Variants in LTBP1 observed in about 807,000 individuals in gnomAD.
The protein encoded by LTBP1 is latent-transforming growth factor beta-binding protein 1.
Under a neutral mutation model 207.6 loss-of-function variants are expected in LTBP1, and 129 were observed. The observed-to-expected ratio is 0.62, with a 90% CI of 0.54 to 0.72. The LOEUF is 0.72. Among genes scored for constraint, LTBP1 ranks in the 30% least tolerant of loss-of-function variants. LTBP1 has a pLI of 0.00. For missense variants in LTBP1, 2,281 were observed against 2,217.2 expected (o/e 1.03, Z -0.58); for synonymous variants, 963 against 833.7 (o/e 1.16, Z -2.67).
intron 7 of LTBP1, among the ~76,000 whole-genome samples, chr2:33,196,024 C>A (rs1299103716): frequency 6.6e-6 from 1 of 152,204 alleles, no homozygotes. Context: ...AAGGTATGTA[C>A]TTTAAAGCAT....
At chr2:33,102,895 T>TCTGTATG (rs2079820716) in intron 3 of LTBP1, among the ~76,000 whole-genome samples, 1 of 151,900 alleles carries the variant, frequency 6.6e-6, no homozygotes, top group African/African-American at 2.4e-5. Context: ...GTATGCACTG[T>TCTGTATG]CTGTATGCTG....
chr2:33,120,127 A>G (rs1242147238), intron 4 of LTBP1, among the ~76,000 whole-genome samples: 1 of 149,188 alleles, frequency 6.7e-6, no homozygotes, highest in Non-Finnish European at 1.5e-5. Flanking sequence ...ACGTACATGT[A>G]TATATGTATG....
chr2:33,202,875 C>G (rs1192773179), intron 7 of LTBP1, among the ~76,000 whole-genome samples: 2 of 152,196 alleles, frequency 1.3e-5, no homozygotes, highest in Admixed American at 1.3e-4. Context: ...GCTGAGGCTA[C>G]TAGACATCTG....
Position 33,122,560 on chromosome 2 carries a change from C to T in LTBP1, c.1033+11809C>T, listed in dbSNP as rs573613387. ...GACGAAATTAGATTAATCAGAATCT[C>T]TCTTAAGGAATTCCTAAGTTAGAAT... On this transcript the variant is annotated intron_variant, in intron 4 of 33. Transcript: ENST00000404816. 3.8e-4 allele frequency among the ~76,000 whole-genome samples: 58 copies of T among 152,272 alleles called. No homozygotes were observed. In the South Asian group the frequency reaches 9.1e-3, roughly 24 times the overall value.
intron 4 of LTBP1, among the ~76,000 whole-genome samples, chr2:33,119,652 G>A (rs531566227): frequency 6.6e-6 from 1 of 152,154 alleles, no homozygotes; most frequent in Non-Finnish European, 1.5e-5. Flanking sequence ...CGCCTCCCGG[G>A]TTCATGCCAT....
intron 7 of LTBP1, among the ~76,000 whole-genome samples, chr2:33,192,253 G>A (rs552818529): frequency 6.6e-6 from 1 of 152,144 alleles, no homozygotes; most frequent in East Asian, 1.9e-4. Flanking sequence ...AGCGTGTCAG[G>A]AAGCCCCTTT....
At chr2:33,312,051 G>A (rs2094195180) in intron 23 of LTBP1, among the ~76,000 whole-genome samples, 1 of 152,114 alleles carries the variant, frequency 6.6e-6, no homozygotes, top group Non-Finnish European at 1.5e-5. Context: ...GTATATGATG[G>A]CATGTATATA....
chr2:33,255,684 T>C (rs908639194), intron 11 of LTBP1, among the ~76,000 whole-genome samples: 2 of 152,200 alleles, frequency 1.3e-5, no homozygotes, highest in Non-Finnish European at 2.9e-5. Flanking sequence ...TTGTTTTTCC[T>C]AGTTAAACAT....
intron 2 of LTBP1, among the ~76,000 whole-genome samples, chr2:33,006,533 G>T (rs560227002): frequency 6.6e-6 from 1 of 151,356 alleles, no homozygotes; most frequent in South Asian, 2.1e-4. Context: ...CAGGCACCTA[G>T]CCACCACACC....
intron 11 of LTBP1, among the ~76,000 whole-genome samples, chr2:33,256,738 A>T (rs1387622501): frequency 7.4e-5 from 2 of 26,854 alleles, no homozygotes; most frequent in East Asian, 6.5e-3. Flanking sequence ...ATATATATAT[A>T]TATATATATA....
In LTBP1 at chr2:33,021,123, AC is replaced by A; in HGVS notation, c.782del (p.Pro261GlnfsTer9). 1 of 1,613,972 alleles carries A rather than the reference AC, an allele frequency of 6.2e-7. No individual in the cohort carries two copies. On this transcript the variant is annotated frameshift_variant, in exon 3 of 34. Transcript: ENST00000404816. LOFTEE classifies it high-confidence loss of function. Reference protein sequence around the residue: ...HTSSKKADTLPRVSPVAQMTL... With the variant: ...HTSSKKADTLXRVSPVAQMTL... ...CTTCATCTAAGAAGGCAGACACTCT[AC>A]CAAGAGTCAGCCCTGTGGCCCAGAT...
intron 26 of LTBP1, among the ~76,000 whole-genome samples, chr2:33,353,166 A>G (rs1433512755): frequency 6.6e-6 from 1 of 151,642 alleles, no homozygotes; most frequent in Non-Finnish European, 1.5e-5. Context: ...TTTAGTAGAG[A>G]CAGGGTTTTG....
chr2:33,017,515 A>G (rs1031521273), intron 2 of LTBP1, among the ~76,000 whole-genome samples: 2 of 152,218 alleles, frequency 1.3e-5, no homozygotes, highest in Non-Finnish European at 2.9e-5. Flanking sequence ...TGTGAGAACC[A>G]CTGATGCTTG....
intron 5 of LTBP1, among the ~76,000 whole-genome samples, chr2:33,167,007 C>G (rs1409483942): frequency 6.6e-6 from 1 of 152,122 alleles, no homozygotes; most frequent in African/African-American, 2.4e-5. Flanking sequence ...GCCGAATACT[C>G]CTGGCTGATA....
intron 9 of LTBP1, among the ~76,000 whole-genome samples, chr2:33,225,631 C>T (rs977173640): frequency 2.6e-5 from 4 of 152,190 alleles, no homozygotes; most frequent in African/African-American, 9.6e-5. Flanking sequence ...AGGTCCCTCC[C>T]ACGACATGTG....
chr2:33,214,404 G>C (rs2090532707), intron 7 of LTBP1, among the ~76,000 whole-genome samples: 1 of 152,128 alleles, frequency 6.6e-6, no homozygotes, highest in Non-Finnish European at 1.5e-5. Flanking sequence ...GTTCCCGTTT[G>C]TTCTCACGTT....
intron 24 of LTBP1, among the ~76,000 whole-genome samples, chr2:33,341,197 G>A (rs1313256836): frequency 1.3e-5 from 2 of 152,104 alleles, no homozygotes; most frequent in Non-Finnish European, 1.5e-5. Context: ...CACAATGGGC[G>A]ATGATATGAT....
intron 2 of LTBP1, among the ~76,000 whole-genome samples, chr2:33,017,709 T>C (rs915552619): frequency 2.0e-5 from 3 of 152,138 alleles, no homozygotes; most frequent in Admixed American, 6.6e-5. Context: ...CTCCGCCTCC[T>C]GGGTTCACGC....
intron 24 of LTBP1, among the ~76,000 whole-genome samples, chr2:33,332,421 C>CTCAT (rs2094506390): frequency 6.8e-6 from 1 of 146,446 alleles, no homozygotes; most frequent in South Asian, 2.2e-4. Context: ...CAGAGACACT[C>CTCAT]TCATTATAGA....
Sources: allele counts gnomAD v4.1 joint callset (sites outside exome capture counted in the v4.1 genomes callset), GRCh38; gene constraint gnomAD v4.1.1; transcripts MANE v1.5; gene names NCBI Gene and HGNC (gene_info 2026-07-23, HGNC 2026-07-21).